The following PTPRO variants were observed in gnomAD, a reference collection of about 807,000 sequenced individuals.
PTPRO encodes the protein protein tyrosine phosphatase receptor type O.
Under a neutral mutation model 145.2 loss-of-function variants are expected in PTPRO, and 62 were observed. The observed-to-expected ratio is 0.43, with a 90% CI of 0.35 to 0.53. The LOEUF (loss-of-function observed/expected upper bound fraction) is 0.53. Ranked by LOEUF, PTPRO falls within the 20% of genes least tolerant of loss-of-function variation. The pLI, the probability that PTPRO is intolerant of heterozygous loss-of-function variation, is 0.01. For synonymous variants in PTPRO, 565 were observed against 514.7 expected (o/e 1.10, Z -1.32); for missense variants, 1,345 against 1,482.7 (o/e 0.91, Z 1.53).
intron 25 of PTPRO, among the ~76,000 whole-genome samples, chr12:15,590,115 C>A (rs1944514754): frequency 6.6e-6 from 1 of 152,170 alleles, no homozygotes; most frequent in South Asian, 2.1e-4. Context: ...CCCTTCATCT[C>A]AATGATGAAG....
At chr12:15,390,518 C>T (rs1028378564) in intron 1 of PTPRO, among the ~76,000 whole-genome samples, 13 of 152,084 alleles carry the variant, frequency 8.5e-5, no homozygotes, top group Admixed American at 3.9e-4. Context: ...GACCTGCCAC[C>T]TCCCAGTGGG....
At chr12:15,436,144 TA>T (rs1940589150) in intron 1 of PTPRO, among the ~76,000 whole-genome samples, 1 of 152,164 alleles carries the variant, frequency 6.6e-6, no homozygotes, top group African/African-American at 2.4e-5. Context: ...GAGGGAAATT[TA>T]TAGCACTACA....
At chr12:15,567,946 G>T (rs1427691096) in intron 18 of PTPRO, among the ~76,000 whole-genome samples, 1 of 152,166 alleles carries the variant, frequency 6.6e-6, no homozygotes, top group African/African-American at 2.4e-5. Flanking sequence ...GACTATTTAT[G>T]AAGTGTAGCG....
chr12:15,323,833 C>T (rs1448278875), intron 1 of PTPRO, among the ~76,000 whole-genome samples: 5 of 152,036 alleles, frequency 3.3e-5, no homozygotes, highest in African/African-American at 9.7e-5. Flanking sequence ...CTTATATGCA[C>T]CATTAATTAT....
chr12:15,347,402 C>A (rs976256384), intron 1 of PTPRO, among the ~76,000 whole-genome samples: 3 of 152,170 alleles, frequency 2.0e-5, no homozygotes, highest in African/African-American at 7.2e-5. Context: ...CCCAACCAGG[C>A]AATAAATATG....
At chr12:15,388,208 G>A (rs73301702) in intron 1 of PTPRO, among the ~76,000 whole-genome samples, 29,930 of 151,740 alleles carry the variant, frequency 0.2, 7,305 homozygotes, top group African/African-American at 0.58. Flanking sequence ...AATTTCCATC[G>A]TGTTAGAATA....
In PTPRO at chr12:15,563,349, T is replaced by G. The variant is rs562795559; in HGVS notation, c.2712-2244T>G. Among the ~76,000 whole-genome samples, 7 of 152,252 alleles carry G rather than the reference T, an allele frequency of 4.6e-5. No individual in the cohort carries two copies. In the South Asian group the frequency reaches 1.4e-3, roughly 32 times the overall value. On this transcript the variant is annotated intron_variant, in intron 17 of 26. Transcript: ENST00000281171. ...GGCTCTTTCCAGAATGTGCTTAAGT[T>G]AAAATTGCTAGCAAAGCCTTAATTT...
intron 1 of PTPRO, among the ~76,000 whole-genome samples, chr12:15,436,348 C>T (rs1401598979): frequency 6.6e-6 from 1 of 152,162 alleles, no homozygotes; most frequent in Non-Finnish European, 1.5e-5. Context: ...TTAAAGCAAA[C>T]ACACAAAATA....
intron 1 of PTPRO, among the ~76,000 whole-genome samples, chr12:15,435,125 C>G (rs1366992335): frequency 1.3e-5 from 2 of 152,132 alleles, no homozygotes; most frequent in African/African-American, 2.4e-5. Flanking sequence ...TATGAAGCAT[C>G]TCTCATATTC....
intron 1 of PTPRO, among the ~76,000 whole-genome samples, chr12:15,480,785 G>A (rs1333350700): frequency 2.0e-5 from 3 of 151,778 alleles, no homozygotes; most frequent in African/African-American, 7.3e-5. Context: ...ACGGACGGAC[G>A]GACAGACACA....
intron 1 of PTPRO, among the ~76,000 whole-genome samples, chr12:15,434,055 G>T (rs2136346332): frequency 6.6e-6 from 1 of 152,208 alleles, no homozygotes; most frequent in South Asian, 2.1e-4. Context: ...CTGTTAATAT[G>T]CATATCTTGG....
intron 8 of PTPRO, among the ~76,000 whole-genome samples, chr12:15,516,342 A>G: frequency 6.7e-6 from 1 of 150,210 alleles, no homozygotes; most frequent in Admixed American, 6.7e-5. Context: ...GTCTCAAAAA[A>G]AAAAAAAGAA....
intron 1 of PTPRO, among the ~76,000 whole-genome samples, chr12:15,453,121 A>G (rs1191232345): frequency 2.0e-5 from 3 of 151,780 alleles, no homozygotes; most frequent in Admixed American, 6.6e-5. Context: ...GCAAGGAGAA[A>G]ATCTAGATCC....
At chr12:15,589,423 G>A in intron 24 of PTPRO, 32 bp from the exon 25 acceptor site, 1 of 1,612,912 alleles carries the variant, frequency 6.2e-7, no homozygotes, top group East Asian at 2.2e-5. Flanking sequence ...AGCACCATCT[G>A]AATAATATGC....
At chr12:15,427,548 T>C (rs988375493) in intron 1 of PTPRO, among the ~76,000 whole-genome samples, 1 of 151,790 alleles carries the variant, frequency 6.6e-6, no homozygotes, top group South Asian at 2.1e-4. Context: ...CTGATAATTT[T>C]ATCTCTTCTT....
At chr12:15,507,454 G>GATAAATAAAT (rs1482775854) in intron 6 of PTPRO, among the ~76,000 whole-genome samples, 17 of 96,732 alleles carry the variant, frequency 1.8e-4, no homozygotes, top group Non-Finnish European at 3.2e-4. Context: ...AATAAATAAG[G>GATAAATAAAT]AATGAAATAC....
At chr12:15,353,544 T>C (rs1030432536) in intron 1 of PTPRO, among the ~76,000 whole-genome samples, 3 of 152,192 alleles carry the variant, frequency 2.0e-5, no homozygotes, top group African/African-American at 7.2e-5. Flanking sequence ...GAATTCCCAC[T>C]GATATTCTCA....
chr12:15,403,385 C>G (rs935388420), intron 1 of PTPRO, among the ~76,000 whole-genome samples: 1 of 152,050 alleles, frequency 6.6e-6, no homozygotes, highest in African/African-American at 2.4e-5. Context: ...GAGTTCGAGA[C>G]CAGCCTGGCC....
intron 15 of PTPRO, among the ~76,000 whole-genome samples, chr12:15,555,666 A>G (rs959833721): frequency 2.0e-5 from 3 of 152,162 alleles, no homozygotes; most frequent in Non-Finnish European, 4.4e-5. Context: ...GTACATACCA[A>G]AGATATTTAG....
Sources: allele counts gnomAD v4.1 joint callset (sites outside exome capture counted in the v4.1 genomes callset), GRCh38; gene constraint gnomAD v4.1.1; transcripts MANE v1.5; gene names NCBI Gene and HGNC (gene_info 2026-07-23, HGNC 2026-07-21).